The following CSMD1 variants were observed in gnomAD, a reference collection of about 807,000 sequenced individuals.
CSMD1 encodes CUB and Sushi multiple domains 1, also known as CUB and sushi domain-containing protein 1.
CSMD1 carries 213 observed loss-of-function variants against 417.5 expected under a neutral mutation model. The observed-to-expected ratio is 0.51, with a 90% CI of 0.46 to 0.57. The LOEUF (loss-of-function observed/expected upper bound fraction) is 0.57. Among genes scored for constraint, CSMD1 ranks in the 20% least tolerant of loss-of-function variants. The pLI is 0.00. For synonymous variants in CSMD1, 2,862 were observed against 1,736.8 expected (o/e 1.65, Z -16.11); for missense variants, 6,923 against 4,529.7 (o/e 1.53, Z -15.17).
intron 11 of CSMD1, among the ~76,000 whole-genome samples, chr8:3,479,123 G>C (rs562840262): frequency 6.6e-5 from 10 of 152,120 alleles, no homozygotes; most frequent in Admixed American, 5.2e-4. Context: ...GCAGATAAAA[G>C]TAAACCCTTG....
chr8:4,497,441 G>A (rs575216939), intron 2 of CSMD1, among the ~76,000 whole-genome samples: 25 of 152,300 alleles, frequency 1.6e-4, no homozygotes, highest in African/African-American at 5.5e-4. Flanking sequence ...TTCAATTTAT[G>A]CATAACCTTT....
At chr8:4,227,790 C>A (rs184769900) in intron 3 of CSMD1, among the ~76,000 whole-genome samples, 12 of 150,732 alleles carry the variant, frequency 8.0e-5, no homozygotes, top group Non-Finnish European at 1.5e-4. Flanking sequence ...GAGACACACC[C>A]TCCATCCTAC....
chr8:3,311,308 G>C (rs1482805962), intron 23 of CSMD1, among the ~76,000 whole-genome samples: 1 of 152,028 alleles, frequency 6.6e-6, no homozygotes, highest in East Asian at 1.9e-4. Context: ...GGAATGCAGT[G>C]GCATGATCTC....
intron 3 of CSMD1, among the ~76,000 whole-genome samples, chr8:4,258,087 G>T (rs1435859959): frequency 1.3e-5 from 2 of 151,586 alleles, no homozygotes; most frequent in Non-Finnish European, 2.9e-5. Context: ...GGGACTACAG[G>T]CCCGTGCTAC....
Position 4,551,907 on chromosome 8 carries a change from A to G in CSMD1, c.302+85435T>C, listed in dbSNP as rs545924205. Among the ~76,000 whole-genome samples, 3 of 150,386 alleles carry G rather than the reference A, an allele frequency of 2.0e-5. No homozygotes were observed. In the East Asian group the frequency reaches 5.9e-4, roughly 29 times the overall value. On this transcript the variant is annotated intron_variant, in intron 2 of 69. Coordinates refer to ENST00000635120, the MANE Select transcript of CSMD1 (RefSeq NM_033225.6). The stretch of plus-strand genomic sequence containing the variant: ...ATCACCATGTTGCTCAGGCAGACTC[A>G]AACTTCTGGACTCAAGCAATCTGCC...
At chr8:3,321,610 T>C (rs1001452161) in intron 23 of CSMD1, among the ~76,000 whole-genome samples, 4 of 152,204 alleles carry the variant, frequency 2.6e-5, no homozygotes, top group African/African-American at 9.7e-5. Flanking sequence ...CTGTATCCTC[T>C]GAGTCTGGCA....
At chr8:3,745,436 A>G (rs1270581450) in intron 6 of CSMD1, among the ~76,000 whole-genome samples, 1 of 152,228 alleles carries the variant, frequency 6.6e-6, no homozygotes, top group African/African-American at 2.4e-5. Context: ...TCTTACAAAC[A>G]GGTGAGTAAA....
At chr8:4,487,697 A>AT (rs1793870190) in intron 2 of CSMD1, among the ~76,000 whole-genome samples, 1 of 152,212 alleles carries the variant, frequency 6.6e-6, no homozygotes, top group African/African-American at 2.4e-5. Context: ...CATTTAAAAA[A>AT]TTTTGCCAAA....
chr8:3,823,143 T>C lies in CSMD1; in HGVS notation c.819-69101A>G, dbSNP rs147455825. On this transcript the variant is annotated intron_variant, in intron 5 of 69. Transcript: ENST00000635120. ...ATTCTCATCCCAAAGGTATAAACTG[T>C]GGCTTGTGTCTTCATATCTTCTTTA... Among the ~76,000 whole-genome samples, 532 of 152,318 alleles carry C rather than the reference T, an allele frequency of 3.5e-3. 3 individuals carry two copies. The highest frequency in any genetic ancestry group is 0.012 in the African/African-American group (507 of 41,566).
intron 5 of CSMD1, among the ~76,000 whole-genome samples, chr8:3,983,028 T>C (rs1330944589): frequency 6.6e-6 from 1 of 151,926 alleles, no homozygotes; most frequent in Non-Finnish European, 1.5e-5. Flanking sequence ...GCGGGATAAA[T>C]CATGGGGCCG....
At chr8:3,457,909 G>A (rs966865366) in intron 12 of CSMD1, among the ~76,000 whole-genome samples, 7 of 152,174 alleles carry the variant, frequency 4.6e-5, no homozygotes, top group Non-Finnish European at 8.8e-5. Context: ...GAGGAAGGCA[G>A]CCATATGGCT....
Position 4,539,546 on chromosome 8 carries a change from G to C in CSMD1, c.302+97796C>G, listed in dbSNP as rs190344967. Among the ~76,000 whole-genome samples the C allele has an allele frequency of 1.1e-4, 16 of 152,244 alleles. 1 individual carries two copies. The highest frequency in any genetic ancestry group is 3.1e-4 in the African/African-American group (13 of 41,528). On this transcript the variant is annotated intron_variant, in intron 2 of 69. Coordinates refer to ENST00000635120, the MANE Select transcript of CSMD1 (RefSeq NM_033225.6). ...CTTACAGAATGAGTTAACATATTTA[G>C]CAAACTTCCAACATTTTTCTCATGT...
intron 3 of CSMD1, among the ~76,000 whole-genome samples, chr8:4,143,395 A>C (rs1422789014): frequency 6.8e-6 from 1 of 146,316 alleles, no homozygotes; most frequent in Non-Finnish European, 1.5e-5. Context: ...TTTGCTACAG[A>C]CTAAGTTAAT....
At chr8:4,595,387 C>CTTTTTTTTTTTTTTTTTT in intron 2 of CSMD1, among the ~76,000 whole-genome samples, 4 of 147,426 alleles carry the variant, frequency 2.7e-5, no homozygotes, top group East Asian at 2.0e-4. Flanking sequence ...CATTCATTTT[C>CTTTTTTTTTTTTTTTTTT]ATTCCATCCA....
intron 10 of CSMD1, among the ~76,000 whole-genome samples, chr8:3,514,669 TATC>T (rs1797214143): frequency 6.6e-6 from 1 of 152,220 alleles, no homozygotes; most frequent in South Asian, 2.1e-4. Flanking sequence ...AAATTTTTTT[TATC>T]ATATTTGTAG....
intron 1 of CSMD1, among the ~76,000 whole-genome samples, chr8:4,697,202 G>C (rs1327253081): frequency 6.6e-6 from 1 of 151,794 alleles, no homozygotes; most frequent in East Asian, 1.9e-4. Flanking sequence ...AAAAAAATCA[G>C]AAAAAATCAT....
At chr8:4,018,082 G>A (rs1432386646) in intron 4 of CSMD1, among the ~76,000 whole-genome samples, 1 of 151,950 alleles carries the variant, frequency 6.6e-6, no homozygotes, top group Non-Finnish European at 1.5e-5. Flanking sequence ...AAAATAAGCT[G>A]GTTATTATAG....
intron 49 of CSMD1, among the ~76,000 whole-genome samples, chr8:3,057,949 G>A (rs932718714): frequency 6.6e-6 from 1 of 152,016 alleles, no homozygotes; most frequent in African/African-American, 2.4e-5. Context: ...CCTACTCTCC[G>A]TAACTTTCCA....
chr8:3,250,689 T>C (rs1800194469), intron 26 of CSMD1, among the ~76,000 whole-genome samples: 1 of 152,228 alleles, frequency 6.6e-6, no homozygotes, highest in Admixed American at 6.5e-5. Flanking sequence ...TGTAAAAGTG[T>C]TCCTATTTCT....
Sources: allele counts gnomAD v4.1 joint callset (sites outside exome capture counted in the v4.1 genomes callset), GRCh38; gene constraint gnomAD v4.1.1; transcripts MANE v1.5; gene names NCBI Gene and HGNC (gene_info 2026-07-23, HGNC 2026-07-21).